The following NXPH1 variants were observed in gnomAD, a reference collection of about 807,000 sequenced individuals.
NXPH1 encodes the protein neurexophilin 1.
NXPH1 carries 5 observed loss-of-function variants against 23.7 expected under a neutral mutation model. The observed-to-expected ratio is 0.21, with a 90% confidence interval of 0.11 to 0.44. The LOEUF (loss-of-function observed/expected upper bound fraction) is 0.44, where lower values mean the gene tolerates loss of function less well. NXPH1 is among the 20% of genes least tolerant of loss of function. NXPH1 has a pLI of 0.99. For missense variants in NXPH1, 324 were observed against 321.6 expected (o/e 1.01, Z -0.06); for synonymous variants, 144 against 122.2 (o/e 1.18, Z -1.18).
At chr7:8,740,817 T>C (rs1210085965) in intron 2 of NXPH1, among the ~76,000 whole-genome samples, 2 of 152,196 alleles carry the variant, frequency 1.3e-5, no homozygotes, top group African/African-American at 2.4e-5. Flanking sequence ...GATGTTTTGA[T>C]TTATGTATAC....
chr7:8,667,020 T>C (rs577403195), intron 2 of NXPH1, among the ~76,000 whole-genome samples: 2 of 152,120 alleles, frequency 1.3e-5, no homozygotes, highest in African/African-American at 4.8e-5. Context: ...GAACATCTTA[T>C]AGTTATAACT....
chr7:8,709,787 T>G (rs1779758896), intron 2 of NXPH1, among the ~76,000 whole-genome samples: 1 of 152,212 alleles, frequency 6.6e-6, no homozygotes, highest in Admixed American at 6.5e-5. Flanking sequence ...ACAATGATTT[T>G]CTAAGAATCT....
intron 2 of NXPH1, among the ~76,000 whole-genome samples, chr7:8,713,057 T>C (rs1307627507): frequency 2.0e-5 from 3 of 152,156 alleles, no homozygotes; most frequent in Admixed American, 2.0e-4. Context: ...ATATTTGCCA[T>C]TTTGTGGCTA....
chr7:8,613,757 C>A (rs1437616084), intron 2 of NXPH1, among the ~76,000 whole-genome samples: 2 of 151,566 alleles, frequency 1.3e-5, no homozygotes, highest in African/African-American at 2.4e-5. Context: ...TTTAAGGTAA[C>A]TGGCTATAGG....
chr7:8,667,016 CTTATAG>C (rs1295517418), intron 2 of NXPH1, among the ~76,000 whole-genome samples: 3 of 152,058 alleles, frequency 2.0e-5, no homozygotes, highest in African/African-American at 2.4e-5. Flanking sequence ...CTTAGAACAT[CTTATAG>C]TTATAACTAT....
chr7:8,744,507 AT>A (rs1334684085), intron 2 of NXPH1, among the ~76,000 whole-genome samples: 4 of 152,140 alleles, frequency 2.6e-5, no homozygotes, highest in Non-Finnish European at 5.9e-5. Flanking sequence ...AAGTGCTAAC[AT>A]TTTTAAAGAT....
chr7:8,511,935 C>T (rs550173336), intron 2 of NXPH1, among the ~76,000 whole-genome samples: 1 of 152,108 alleles, frequency 6.6e-6, no homozygotes, highest in South Asian at 2.1e-4. Flanking sequence ...TCTGACAACT[C>T]AGGAATGGAT....
chr7:8,552,593 T>A (rs1376790835), intron 2 of NXPH1, among the ~76,000 whole-genome samples: 1 of 151,536 alleles, frequency 6.6e-6, no homozygotes, highest in African/African-American at 2.4e-5. Flanking sequence ...TGTAGAGTTA[T>A]GATTTCTTGA....
rs137929904 is a variant in NXPH1 at position 8,439,882 on chromosome 7, A to C, written c.54+4115A>C. ...GCAATGTCTTTTCTTTGGACTAGGT[A>C]TGTGTGCTTCTCATTCTTTAAAAAT... On this transcript the variant is annotated intron_variant, in intron 2 of 2. Coordinates refer to ENST00000405863, the MANE Select transcript of NXPH1 (RefSeq NM_152745.3). 6.9e-3 allele frequency among the ~76,000 whole-genome samples: 1,046 copies of C among 152,328 alleles called. 10 individuals are homozygous for C. Among genetic ancestry groups the C allele is most frequent in the African/African-American group, 0.023 (948 of 41,564 alleles).
intron 2 of NXPH1, among the ~76,000 whole-genome samples, chr7:8,604,187 T>G (rs1477583354): frequency 6.6e-6 from 1 of 152,212 alleles, no homozygotes; most frequent in Non-Finnish European, 1.5e-5. Context: ...ACATTTAGAA[T>G]GATATAAGAA....
At chr7:8,553,667 T>G (rs753475178) in intron 2 of NXPH1, among the ~76,000 whole-genome samples, 16 of 151,716 alleles carry the variant, frequency 1.1e-4, no homozygotes, top group Non-Finnish European at 2.4e-4. Flanking sequence ...CACCCAATAC[T>G]GTCTTTTCCT....
intron 2 of NXPH1, among the ~76,000 whole-genome samples, chr7:8,708,496 G>C (rs1250734489): frequency 6.6e-6 from 1 of 152,056 alleles, no homozygotes; most frequent in Non-Finnish European, 1.5e-5. Flanking sequence ...GTGTAGCTGG[G>C]ATTACAGGCA....
chr7:8,598,130 T>G (rs966505135), intron 2 of NXPH1, among the ~76,000 whole-genome samples: 1 of 152,120 alleles, frequency 6.6e-6, no homozygotes, highest in Non-Finnish European at 1.5e-5. Context: ...TATGTCATCC[T>G]CTCCATCTTT....
chr7:8,637,725 A>G (rs79540628), intron 2 of NXPH1, among the ~76,000 whole-genome samples: 7,848 of 152,336 alleles, frequency 0.052, 263 homozygotes, highest in Non-Finnish European at 0.078. Flanking sequence ...TGAACTCACA[A>G]TACAATACAT....
chr7:8,640,085 A>G (rs1820282749), intron 2 of NXPH1, among the ~76,000 whole-genome samples: 1 of 152,100 alleles, frequency 6.6e-6, no homozygotes, highest in South Asian at 2.1e-4. Context: ...TATATTGCAA[A>G]TCCATATTCC....
At chr7:8,467,718 G>A (rs1419008102) in intron 2 of NXPH1, among the ~76,000 whole-genome samples, 2 of 152,102 alleles carry the variant, frequency 1.3e-5, no homozygotes, top group Non-Finnish European at 2.9e-5. Flanking sequence ...TTGAAACTAT[G>A]ACCAGTTAGT....
intron 2 of NXPH1, among the ~76,000 whole-genome samples, chr7:8,682,659 C>T (rs1214635016): frequency 6.6e-6 from 1 of 152,102 alleles, no homozygotes; most frequent in Non-Finnish European, 1.5e-5. Context: ...GCCTCTAGTG[C>T]TTAATGGAAA....
At chr7:8,466,337 G>A (rs1415261135) in intron 2 of NXPH1, among the ~76,000 whole-genome samples, 2 of 152,162 alleles carry the variant, frequency 1.3e-5, no homozygotes, top group Admixed American at 6.5e-5. Context: ...AATCAGTGAT[G>A]TGCTACATCA....
intron 2 of NXPH1, among the ~76,000 whole-genome samples, chr7:8,528,174 A>G (rs2128616902): frequency 6.6e-6 from 1 of 152,356 alleles, no homozygotes; most frequent in Middle Eastern, 3.4e-3. Context: ...AGAAGGGAGC[A>G]AAGGCTTATC....
Sources: allele counts gnomAD v4.1 joint callset (sites outside exome capture counted in the v4.1 genomes callset), GRCh38; gene constraint gnomAD v4.1.1; transcripts MANE v1.5; gene names NCBI Gene and HGNC (gene_info 2026-07-23, HGNC 2026-07-21).